The following JARID2 variants were observed in gnomAD, a reference collection of about 807,000 sequenced individuals.
JARID2 encodes the protein protein Jumonji.
In JARID2, 21 loss-of-function variants were observed where a neutral mutation model predicts 125.6. The observed-to-expected ratio is 0.17, with a 90% confidence interval of 0.12 to 0.24. The LOEUF is 0.24. Ranked by LOEUF, JARID2 falls within the 10% of genes least tolerant of loss-of-function variation. JARID2 has a pLI of 1.00. For missense variants in JARID2, 1,303 were observed against 1,639.6 expected (o/e 0.79, Z 3.55); for synonymous variants, 736 against 661.6 (o/e 1.11, Z -1.73).
At chr6:15,309,183 A>G in intron 1 of JARID2, among the ~76,000 whole-genome samples, 1 of 152,196 alleles carries the variant, frequency 6.6e-6, no homozygotes, top group East Asian at 1.9e-4. Flanking sequence ...GGAACTAAAC[A>G]TTATTTCTCA....
At position 15,521,686 on chromosome 6, in the gene JARID2, T is replaced by G. The variant is rs1342451398; in HGVS notation, c.*1435T>G. ...TCATCAATCCCGTAGCTACCCATATTGCACTGAGCTTGCCAGTGGTGACTG... is the reference window on the plus strand; with the variant it reads ...TCATCAATCCCGTAGCTACCCATATGGCACTGAGCTTGCCAGTGGTGACTG... On this transcript the variant is annotated 3_prime_UTR_variant, in exon 18 of 18. Transcript: ENST00000341776. 1 of 152,264 alleles carries G rather than the reference T, an allele frequency of 6.6e-6. No homozygotes were observed. The highest frequency in any genetic ancestry group is 1.5e-5 in the Non-Finnish European group (1 of 68,046). The allele number at this position is 152,264 out of a possible 1,614,324, so 9.4% of individuals were successfully genotyped here. A position where few individuals can be genotyped will look rare whatever the true frequency, so the allele number is the denominator to read the frequency against.
chr6:15,389,910 A>G (rs1394085324), intron 2 of JARID2, among the ~76,000 whole-genome samples: 1 of 152,176 alleles, frequency 6.6e-6, no homozygotes, highest in Non-Finnish European at 1.5e-5. Flanking sequence ...CCAAAAATAG[A>G]AGTGTGTAGT....
At chr6:15,341,497 A>G (rs1208921419) in intron 1 of JARID2, among the ~76,000 whole-genome samples, 1 of 152,220 alleles carries the variant, frequency 6.6e-6, no homozygotes, top group East Asian at 1.9e-4. Flanking sequence ...CCTACCCGTC[A>G]TGACCCTGCC....
In JARID2 at chr6:15,520,050, T is replaced by TC. The variant is rs1436443190; in HGVS notation, c.3559-17dup. ...TTAATACGGTATGTTAACTGTGTCT[T>TC]CCTTTCACCCCCAAACAGGAACAGA... On this transcript the variant is annotated intron_variant, in intron 17 of 17. Coordinates refer to ENST00000341776, the MANE Select transcript of JARID2 (RefSeq NM_004973.4). 1.2e-6 allele frequency: 2 copies of TC among 1,604,352 alleles called. No individual in the cohort carries two copies. Among genetic ancestry groups the TC allele is most frequent in the Non-Finnish European group, 1.7e-6 (2 of 1,175,182 alleles).
At position 15,440,906 on chromosome 6, in the gene JARID2, T is replaced by TTA. The variant is rs1400881646; in HGVS notation, c.324-11100_324-11099insTA. Among the ~76,000 whole-genome samples the TTA allele has an allele frequency of 3.3e-5, 5 of 152,356 alleles. No individual in the cohort carries two copies. In the South Asian group the frequency reaches 1.0e-3, roughly 32 times the overall value. The stretch of plus-strand genomic sequence containing the variant: ...GTCAGAGACAATGTGTCAGTTATAG[T>TTA]GAATCCTTTTCTTACAGAGCAGACT... On this transcript the variant is annotated intron_variant, in intron 3 of 17. Transcript: ENST00000341776.
chr6:15,493,109 C>T (rs141693733), intron 6 of JARID2, among the ~76,000 whole-genome samples: 1 of 151,908 alleles, frequency 6.6e-6, no homozygotes, highest in African/African-American at 2.4e-5. Context: ...ACTCAGGTGC[C>T]CCCGAGAAGC....
At chr6:15,507,468 C>A in intron 11 of JARID2, 52 bp downstream of exon 11, 1 of 1,498,920 alleles carries the variant, frequency 6.7e-7, no homozygotes, top group Non-Finnish European at 9.3e-7. Flanking sequence ...ATGAGTCCTA[C>A]TTGCTGAGAA....
chr6:15,468,968 A>G (rs980346806), intron 5 of JARID2, among the ~76,000 whole-genome samples: 1 of 152,186 alleles, frequency 6.6e-6, no homozygotes, highest in African/African-American at 2.4e-5. Flanking sequence ...ATAAACAGGC[A>G]TCAGAACAGG....
intron 3 of JARID2, among the ~76,000 whole-genome samples, chr6:15,433,410 C>CTGTG (rs57296791): frequency 0.053 from 7,598 of 143,358 alleles, 216 homozygotes; most frequent in African/African-American, 0.074. Flanking sequence ...CCATGTCTCT[C>CTGTG]TGTGTGTGTG....
At chr6:15,337,923 G>A (rs1762934930) in intron 1 of JARID2, among the ~76,000 whole-genome samples, 1 of 152,136 alleles carries the variant, frequency 6.6e-6, no homozygotes, top group South Asian at 2.1e-4. Context: ...AGAAAAACCA[G>A]GTCTGAGGGT....
chr6:15,382,476 C>T (rs904778501), intron 2 of JARID2, among the ~76,000 whole-genome samples: 3 of 152,152 alleles, frequency 2.0e-5, no homozygotes, highest in African/African-American at 7.2e-5. Context: ...GTGTCATAAT[C>T]TAGTGGGACA....
At chr6:15,395,351 AGT>A (rs1393450719) in intron 2 of JARID2, among the ~76,000 whole-genome samples, 8 of 152,104 alleles carry the variant, frequency 5.3e-5, no homozygotes, top group Admixed American at 3.3e-4. Context: ...GCTGGAGTGC[AGT>A]GGTATGATCT....
At chr6:15,345,578 A>C (rs1339805230) in intron 1 of JARID2, among the ~76,000 whole-genome samples, 1 of 152,232 alleles carries the variant, frequency 6.6e-6, no homozygotes, top group Non-Finnish European at 1.5e-5. Context: ...TCAGTTCATA[A>C]TTAAACATAT....
At chr6:15,518,935 G>T (rs1466741967) in intron 17 of JARID2, among the ~76,000 whole-genome samples, 1 of 152,226 alleles carries the variant, frequency 6.6e-6, no homozygotes, top group Non-Finnish European at 1.5e-5. Flanking sequence ...GGGGTGGGGG[G>T]TGCACCTAGA....
chr6:15,472,942 G>A (rs1345909987), intron 5 of JARID2, among the ~76,000 whole-genome samples: 5 of 152,178 alleles, frequency 3.3e-5, no homozygotes. Context: ...ATCTTAACCT[G>A]GTCAGAAAAA....
At chr6:15,453,009 A>G (rs1767991585) in intron 4 of JARID2, among the ~76,000 whole-genome samples, 1 of 152,216 alleles carries the variant, frequency 6.6e-6, no homozygotes, top group Non-Finnish European at 1.5e-5. Context: ...AAATATTTTG[A>G]TAATTTATTA....
intron 2 of JARID2, among the ~76,000 whole-genome samples, chr6:15,405,388 G>A (rs543750571): frequency 3.5e-4 from 54 of 152,320 alleles, no homozygotes; most frequent in Non-Finnish European, 5.3e-4. Context: ...CTGCCTTGTG[G>A]CTAAATGGTC....
chr6:15,503,277 A>G (rs1347293501), intron 8 of JARID2, among the ~76,000 whole-genome samples: 1 of 152,216 alleles, frequency 6.6e-6, no homozygotes, highest in Non-Finnish European at 1.5e-5. Context: ...TGCAGAATTC[A>G]GTCCCTCCTT....
chr6:15,254,278 G>T (rs1759569440), intron 1 of JARID2, among the ~76,000 whole-genome samples: 2 of 152,158 alleles, frequency 1.3e-5, no homozygotes, highest in Admixed American at 1.3e-4. Flanking sequence ...TGTATCTGAG[G>T]CCCAGTGTGG....
Sources: gnomAD v4.1 joint callset for allele counts (sites outside exome capture counted in the v4.1 genomes callset) on GRCh38, gnomAD v4.1.1 for gene constraint, MANE v1.5 for transcripts, NCBI Gene and HGNC (gene_info 2026-07-23, HGNC 2026-07-21) for gene names.